NDUFV3: variants seen among roughly 807,000 people sequenced by gnomAD.
NDUFV3 encodes NADH dehydrogenase [ubiquinone] flavoprotein 3, mitochondrial.
A neutral mutation model predicts 37.5 loss-of-function variants in NDUFV3; 44 were observed. The observed-to-expected ratio is 1.17, with a 90% confidence interval of 0.92 to 1.51. NDUFV3 has a LOEUF of 1.51. Ranked by LOEUF, NDUFV3 falls within the 40% of genes most tolerant of loss-of-function variation. The pLI, the probability that NDUFV3 is intolerant of heterozygous loss-of-function variation, is 0.00. For synonymous variants in NDUFV3, 235 were observed against 239.3 expected (o/e 0.98, Z 0.17); for missense variants, 580 against 580.4 (o/e 1.00, Z 0.01).
Position 42,903,350 on chromosome 21 carries a change from C to T in NDUFV3, c.338C>T (p.Pro113Leu), listed in dbSNP as rs769663527. 34 of 1,614,000 alleles carry T rather than the reference C, an allele frequency of 2.1e-5. No homozygotes were observed. Among genetic ancestry groups the T allele is most frequent in the South Asian group, 7.7e-5 (7 of 91,086 alleles). Reference protein sequence around the residue: ...GSVLFTDEGVPKFLSRKTLVE... With the variant: ...GSVLFTDEGVLKFLSRKTLVE... ...GTGCTATTCACAGATGAAGGGGTTC[C>T]GAAATTTTTGTCAAGAAAGACTTTG... Residue 113 changes from proline (P) to leucine (L), a missense_variant, in exon 3 of 4, where the codon CCG becomes CTG. Physicochemically the swap from Pro to Leu is moderately conservative, Grantham distance 98. Transcript: ENST00000354250.
intron 2 of NDUFV3, among the ~76,000 whole-genome samples, chr21:42,900,879 CAG>C (rs1167068397): frequency 1.3e-5 from 2 of 151,926 alleles, no homozygotes; most frequent in African/African-American, 2.4e-5. Flanking sequence ...GCACAGATAT[CAG>C]GGGCTGGATG....
intron 1 of NDUFV3, among the ~76,000 whole-genome samples, chr21:42,895,662 A>G (rs1287602499): frequency 4.6e-5 from 7 of 151,850 alleles, no homozygotes; most frequent in Non-Finnish European, 7.4e-5. Context: ...CAAAAAAAAA[A>G]AAAAGAAAAG....
Position 42,910,952 on chromosome 21 carries a change from T to C in NDUFV3, c.*1931T>C, listed in dbSNP as rs1438419980. The C allele has an allele frequency of 6.6e-6, 1 of 152,450 alleles. No homozygotes were observed. Among genetic ancestry groups the C allele is most frequent in the African/African-American group, 2.4e-5 (1 of 41,452 alleles). The allele number at this position is 152,450 out of a possible 1,614,324, so 9.4% of individuals were successfully genotyped here. On this transcript the variant is annotated 3_prime_UTR_variant, in exon 4 of 4. Transcript: ENST00000354250. ...TCTGACTTAGAGAAAGTAACCAATG[T>C]AGGTGAGGGCCAGGGCACGGTGGCT...
chr21:42,903,661 G>C lies in NDUFV3; in HGVS notation c.649G>C (p.Asp217His). The C allele has an allele frequency of 6.2e-7, 1 of 1,614,082 alleles. No homozygotes were observed. The highest frequency in any genetic ancestry group is 8.5e-7 in the Non-Finnish European group (1 of 1,180,024). The change falls in exon 3 of 4, where the codon GAC (aspartate) becomes CAC (histidine). Residue 217 changes from aspartate to histidine, a missense_variant. Asp to His is a moderately conservative substitution (Grantham distance 81). Transcript: ENST00000354250. ...EKTLLQKPHV[D>H]ITDPEKPHQP... Reference sequence around the variant, plus strand: ...AACCTTGCTGCAGAAGCCGCATGTGGACATTACTGATCCAGAGAAGCCCCA... The same window carrying C: ...AACCTTGCTGCAGAAGCCGCATGTGCACATTACTGATCCAGAGAAGCCCCA...
intron 2 of NDUFV3, among the ~76,000 whole-genome samples, chr21:42,897,361 G>C (rs1182511538): frequency 6.6e-6 from 1 of 152,190 alleles, no homozygotes; most frequent in Non-Finnish European, 1.5e-5. Flanking sequence ...GGCACAGTGA[G>C]CTTGCCAGAA....
intron 2 of NDUFV3, among the ~76,000 whole-genome samples, chr21:42,900,712 A>G (rs907515626): frequency 1.3e-5 from 2 of 152,284 alleles, no homozygotes; most frequent in African/African-American, 4.8e-5. Flanking sequence ...CCTGCATGCA[A>G]GTGAGGTACC....
Position 42,904,152 on chromosome 21 carries a change from G to C in NDUFV3, c.1140G>C (p.Leu380Phe), listed in dbSNP as rs768362576. Residue 380 changes from leucine (L) to phenylalanine (F), a missense_variant, in exon 3 of 4, where the codon TTG becomes TTC. Physicochemically the swap from Leu to Phe is conservative, Grantham distance 22 (BLOSUM62 0). Transcript: ENST00000354250. The stretch of plus-strand genomic sequence containing the variant: ...AAGATCAGATACCACCAAGCAATTT[G>C]GAGACAGTTCCTGTTGAGAATAACC... ...IVEDQIPPSN[L>F]ETVPVENNHG... 3.2e-5 allele frequency: 52 copies of C among 1,614,148 alleles called. No individual in the cohort carries two copies. Among genetic ancestry groups the C allele is most frequent in the Non-Finnish European group, 5.9e-6 (7 of 1,180,062 alleles).
In NDUFV3 at chr21:42,911,508, C is replaced by T. The variant is rs1235082119; in HGVS notation, c.*2487C>T. 1 of 122,218 alleles carries T rather than the reference C, an allele frequency of 8.2e-6. No individual in the cohort carries two copies. The highest frequency in any genetic ancestry group is 2.7e-4 in the East Asian group (1 of 3,684). The allele number at this position is 122,218 out of a possible 1,614,324, so 7.6% of individuals were successfully genotyped here. ...CTCTTGCCCGGAGGAGTGGTGCGATCTCAGCTCACTGCAGCCTCGTCCTCC... is the reference window on the plus strand; with the variant it reads ...CTCTTGCCCGGAGGAGTGGTGCGATTTCAGCTCACTGCAGCCTCGTCCTCC... On this transcript the variant is annotated 3_prime_UTR_variant, in exon 4 of 4. Transcript: ENST00000354250.
At position 42,903,557 on chromosome 21, in the gene NDUFV3, G is replaced by C. The variant is rs201154517; in HGVS notation, c.545G>C (p.Arg182Thr). 1 of 1,614,046 alleles carries C rather than the reference G, an allele frequency of 6.2e-7. No homozygotes were observed. The highest frequency in any genetic ancestry group is 2.2e-5 in the East Asian group (1 of 44,884). ...ACTCCTCGAGTGGTGAGCAAAGGCA[G>C]AGGGGGGCTTCGAAAACCAGAGGCC... ...EVTPRVVSKG[R>T]GGLRKPEASH... The change falls in exon 3 of 4, where the codon AGA (arginine) becomes ACA (threonine). Residue 182 changes from arginine (R) to threonine (T), a missense_variant. Coordinates refer to ENST00000354250, the MANE Select transcript of NDUFV3 (RefSeq NM_021075.4).
chr21:42,904,289 T>A lies in NDUFV3; in HGVS notation c.1264+13T>A. Reference sequence around the variant, plus strand: ...GGCGGCACACAGGGTATACCTTGACTCGCGCTCCCAAGTGCACCCTGTCCC... The same window carrying A: ...GGCGGCACACAGGGTATACCTTGACACGCGCTCCCAAGTGCACCCTGTCCC... On this transcript the variant is annotated intron_variant, in intron 3 of 3. Coordinates refer to ENST00000354250, the MANE Select transcript of NDUFV3 (RefSeq NM_021075.4). 1 of 1,578,348 alleles carries A rather than the reference T, an allele frequency of 6.3e-7. No individual in the cohort carries two copies. Among genetic ancestry groups the A allele is most frequent in the Non-Finnish European group, 8.6e-7 (1 of 1,161,816 alleles).
At chr21:42,900,840 A>G (rs950517892) in intron 2 of NDUFV3, among the ~76,000 whole-genome samples, 1 of 152,194 alleles carries the variant, frequency 6.6e-6, no homozygotes, top group East Asian at 1.9e-4. Flanking sequence ...TTTCCCCAGC[A>G]CATGCGTTCT....
chr21:42,897,258 C>T (rs1409208143), intron 2 of NDUFV3, among the ~76,000 whole-genome samples: 2 of 152,164 alleles, frequency 1.3e-5, no homozygotes, highest in African/African-American at 2.4e-5. Context: ...ATATTTAGCC[C>T]TGAAATGGTT....
chr21:42,895,035 A>G (rs2058684552), intron 1 of NDUFV3, among the ~76,000 whole-genome samples: 1 of 152,072 alleles, frequency 6.6e-6, no homozygotes, highest in South Asian at 2.1e-4. Flanking sequence ...CTTCTACTCT[A>G]TTTTCTAAGG....
At chr21:42,901,122 A>G (rs188261973) in intron 2 of NDUFV3, among the ~76,000 whole-genome samples, 2 of 152,224 alleles carry the variant, frequency 1.3e-5, no homozygotes, top group African/African-American at 4.8e-5. Flanking sequence ...CGTAATTTCT[A>G]TTTACACACA....
chr21:42,895,028 C>G (rs1266405901), intron 1 of NDUFV3, among the ~76,000 whole-genome samples: 1 of 152,060 alleles, frequency 6.6e-6, no homozygotes, highest in East Asian at 1.9e-4. Flanking sequence ...AGTATTTCTT[C>G]TACTCTATTT....
In NDUFV3 at chr21:42,911,529, C is replaced by T. The variant is rs1014467058; in HGVS notation, c.*2508C>T. 1.4e-5 allele frequency: 2 copies of T among 146,436 alleles called. No homozygotes were observed. The highest frequency in any genetic ancestry group is 3.0e-5 in the Non-Finnish European group (2 of 67,228). 9.1% of individuals were successfully genotyped at this position (146,436 alleles called of 1,614,324 possible). On this transcript the variant is annotated 3_prime_UTR_variant, in exon 4 of 4. Transcript: ENST00000354250. ...CGATCTCAGCTCACTGCAGCCTCGT[C>T]CTCCCAGGCCCAAGCAATCCTCCCA...
rs534362104 is a variant in NDUFV3 at position 42,908,773 on chromosome 21, T to C, written c.1265-91T>C. The stretch of plus-strand genomic sequence containing the variant: ...GTTCACAGATAGGGATGATGAAGAA[T>C]GCTTGGTAGGTAAGCGCCTGTGTGT... On this transcript the variant is annotated intron_variant, in intron 3 of 3. Coordinates refer to ENST00000354250, the MANE Select transcript of NDUFV3 (RefSeq NM_021075.4). The C allele has an allele frequency of 8.8e-6, 13 of 1,471,770 alleles. No individual in the cohort carries two copies. The African/African-American group carries it at 1.4e-4, about 16-fold the overall frequency. The allele number at this position is 1,471,770 out of a possible 1,614,324, so 91.2% of individuals were successfully genotyped here. A position where few individuals can be genotyped will look rare whatever the true frequency, so the allele number is the denominator to read the frequency against.
intron 2 of NDUFV3, among the ~76,000 whole-genome samples, chr21:42,899,036 T>C (rs527573427): frequency 3.5e-4 from 53 of 152,292 alleles, no homozygotes; most frequent in African/African-American, 1.3e-3. Context: ...AGGGGAACAC[T>C]GACCTGGGAG....
In NDUFV3 at chr21:42,904,102, C is replaced by G. The variant is rs1346066868; in HGVS notation, c.1090C>G (p.Leu364Val). 1 of 1,614,226 alleles carries G rather than the reference C, an allele frequency of 6.2e-7. No homozygotes were observed. Among genetic ancestry groups the G allele is most frequent in the South Asian group, 1.1e-5 (1 of 91,088 alleles). ...TSGTQGIEGH[L>V]KGGQAIVEDQ... is the part of the protein sequence containing the mutation. The stretch of plus-strand genomic sequence containing the variant: ...AGGGACGCAGGGAATAGAAGGCCAC[C>G]TGAAGGGTGGACAGGCAATCGTGGA... Residue 364 changes from leucine to valine, a missense_variant, in exon 3 of 4, where the codon CTG (leucine) becomes GTG (valine). Leu to Val is a conservative substitution (Grantham distance 32). Coordinates refer to ENST00000354250, the MANE Select transcript of NDUFV3 (RefSeq NM_021075.4).
Sources: allele counts gnomAD v4.1 joint callset (sites outside exome capture counted in the v4.1 genomes callset), GRCh38; gene constraint gnomAD v4.1.1; transcripts MANE v1.5; gene names NCBI Gene and HGNC (gene_info 2026-07-23, HGNC 2026-07-21).